DUSP8: variants seen among roughly 807,000 people sequenced by gnomAD.
DUSP8 encodes dual specificity phosphatase 8.
A neutral mutation model predicts 38.7 loss-of-function variants in DUSP8; 15 were observed. The ratio of observed to expected loss-of-function variants is 0.39; its 90% CI spans 0.26 to 0.60. The LOEUF (loss-of-function observed/expected upper bound fraction) is 0.60. Ranked by LOEUF, DUSP8 falls within the 20% of genes least tolerant of loss-of-function variation. DUSP8 has a pLI of 0.56. For missense variants in DUSP8, 768 were observed against 915.0 expected, an observed-to-expected ratio of 0.84 and a Z score of 2.07; for synonymous variants, 458 against 433.9, an observed-to-expected ratio of 1.06 and a Z score of -0.69.
chr11:1,558,381 G>A lies in DUSP8; in HGVS notation c.538-110C>T, dbSNP rs2133432069. Reference sequence around the variant, plus strand: ...CAGGAGGGCCTTTAGAATCCTGGGAGCCTTGGAATTTGTCCCAGATCCCAG... The same window carrying A: ...CAGGAGGGCCTTTAGAATCCTGGGAACCTTGGAATTTGTCCCAGATCCCAG... On this transcript the variant is annotated intron_variant, in intron 4 of 6. Transcript: ENST00000397374. This position sits in a 1 kb window ranked among gnomAD's most constrained non-coding sequence, Gnocchi z 6.3. The A allele has an allele frequency of 2.0e-6, 2 of 998,666 alleles. No homozygotes were observed. Among genetic ancestry groups the A allele is most frequent in the Non-Finnish European group, 2.9e-6 (2 of 681,892 alleles). 61.9% of individuals were successfully genotyped at this position (998,666 alleles called of 1,614,324 possible). A position where few individuals can be genotyped will look rare whatever the true frequency, so the allele number is the denominator to read the frequency against.
chr11:1,554,416 G>A lies in DUSP8; in HGVS notation c.*2102C>T, dbSNP rs1286459972. ...AGGCAGTGGCCAGGTGGGAGGGGCC[G>A]GAGAGAGGCTTGGAGAGGACTCAGG... On this transcript the variant is annotated 3_prime_UTR_variant, in exon 7 of 7. Transcript: ENST00000397374. 6.5e-6 allele frequency: 1 copy of A among 153,298 alleles called. No individual in the cohort carries two copies. The highest frequency in any genetic ancestry group is 2.4e-5 in the African/African-American group (1 of 41,376). The allele number at this position is 153,298 out of a possible 1,614,324, so 9.5% of individuals were successfully genotyped here.
chr11:1,560,211 GC>G, intron 3 of DUSP8, among the ~76,000 whole-genome samples: 1 of 152,286 alleles, frequency 6.6e-6, no homozygotes, highest in East Asian at 1.9e-4. Flanking sequence ...GCTGAGGCCT[GC>G]CCTATCCCAT....
Position 1,556,907 on chromosome 11 carries a change from G to A in DUSP8, c.1489C>T (p.Pro497Ser), listed in dbSNP as rs1300115335. The A allele has an allele frequency of 1.8e-5, 19 of 1,084,132 alleles. No homozygotes were observed. Among genetic ancestry groups the A allele is most frequent in the Admixed American group, 5.4e-5 (1 of 18,546 alleles). 67.2% of individuals were successfully genotyped at this position (1,084,132 alleles called of 1,614,324 possible). A position where few individuals can be genotyped will look rare whatever the true frequency, so the allele number is the denominator to read the frequency against. ...GLSALSAPGL[P>S]GPGQPAGPGA... ...GGGCCGGCCGGCTGGCCAGGGCCGGGCAGCCCGGGCGCCGACAGGGCCGAG... is the reference window on the plus strand; with the variant it reads ...GGGCCGGCCGGCTGGCCAGGGCCGGACAGCCCGGGCGCCGACAGGGCCGAG... The change falls in exon 7 of 7, where the codon CCC (proline) becomes TCC (serine). Residue 497 changes from proline (P) to serine (S), a missense_variant. By Grantham distance (74) the Pro-to-Ser change is moderately conservative. Transcript: ENST00000397374. The surrounding 1 kb of genome is among the most constrained non-coding windows in gnomAD (Gnocchi z 5.2).
In DUSP8 at chr11:1,557,010, G is replaced by A; in HGVS notation, c.1386C>T (p.Gly462=). 1 of 1,022,604 alleles carries A rather than the reference G, an allele frequency of 9.8e-7. No homozygotes were observed. The highest frequency in any genetic ancestry group is 1.2e-6 in the Non-Finnish European group (1 of 856,832). 63.3% of individuals were successfully genotyped at this position (1,022,604 alleles called of 1,614,324 possible). Residue 462 remains glycine, a synonymous_variant, in exon 7 of 7, where the codon GGC becomes GGT. Coordinates refer to ENST00000397374, the MANE Select transcript of DUSP8 (RefSeq NM_004420.3). This position sits in a 1 kb window ranked among gnomAD's most constrained non-coding sequence, Gnocchi z 9.9. ...RPRRRPRPPA[G]SPARSPAHSL... ...TGTGCGCGGGGGAGCGCGCGGGGGA[G>A]CCGGCGGGGGGCCGGGGCCGCCGGC...
intron 1 of DUSP8, among the ~76,000 whole-genome samples, chr11:1,570,227 C>T (rs192656666): frequency 1.6e-3 from 239 of 152,292 alleles, no homozygotes; most frequent in African/African-American, 5.4e-3. Flanking sequence ...CCCTTCCCAC[C>T]AGACCTGTGT....
At chr11:1,562,382 G>A (rs919312594) in intron 3 of DUSP8, among the ~76,000 whole-genome samples, 2 of 152,066 alleles carry the variant, frequency 1.3e-5, no homozygotes, top group African/African-American at 4.8e-5. Flanking sequence ...TACACCTGGT[G>A]AGCTGTAAAA....
upstream of DUSP8, chr11:1,572,604 C>T (rs1848926062): frequency 1.3e-5 from 2 of 151,948 alleles, no homozygotes; most frequent in South Asian, 4.1e-4. The surrounding 1 kb of genome is among the most constrained non-coding windows in gnomAD (Gnocchi z 4.7). Context: ...CCCCCGGCCG[C>T]GTCGCACAGA....
At chr11:1,563,145 G>A (rs989371188) in intron 3 of DUSP8, among the ~76,000 whole-genome samples, 4 of 152,122 alleles carry the variant, frequency 2.6e-5, no homozygotes, top group South Asian at 4.1e-4. Flanking sequence ...CAGGCAGAAG[G>A]AGCCTGGACA....
chr11:1,567,587 G>A (rs1052025745), intron 1 of DUSP8, among the ~76,000 whole-genome samples: 4 of 152,192 alleles, frequency 2.6e-5, no homozygotes, highest in South Asian at 2.1e-4. Context: ...GGCCCCTCCC[G>A]CCTCGACTGG....
Position 1,558,798 on chromosome 11 carries a change from C to T in DUSP8, c.537+91G>A, listed in dbSNP as rs1848674596. Reference sequence around the variant, plus strand: ...CTCATCCACTGCCTTCAGCTCCTTTCCTCCCTCATCCCCCGCTCCGCTGCC... The same window carrying T: ...CTCATCCACTGCCTTCAGCTCCTTTTCTCCCTCATCCCCCGCTCCGCTGCC... On this transcript the variant is annotated intron_variant, in intron 4 of 6. Transcript: ENST00000397374. This position sits in a 1 kb window ranked among gnomAD's most constrained non-coding sequence, Gnocchi z 6.3. 6 of 1,456,212 alleles carry T rather than the reference C, an allele frequency of 4.1e-6. No individual in the cohort carries two copies. The African/African-American group carries it at 7.1e-5, about 17-fold the overall frequency. 90.2% of individuals were successfully genotyped at this position (1,456,212 alleles called of 1,614,324 possible). A position where few individuals can be genotyped will look rare whatever the true frequency, so the allele number is the denominator to read the frequency against.
At chr11:1,559,830 G>A (rs1848691064) in intron 3 of DUSP8, among the ~76,000 whole-genome samples, 1 of 152,164 alleles carries the variant, frequency 6.6e-6, no homozygotes, top group Non-Finnish European at 1.5e-5. Flanking sequence ...CAGGCTGGTG[G>A]GAGGAAGTCC....
At chr11:1,566,793 G>A (rs1484500834) in intron 1 of DUSP8, among the ~76,000 whole-genome samples, 3 of 152,270 alleles carry the variant, frequency 2.0e-5, no homozygotes, top group Middle Eastern at 6.8e-3. Context: ...CGGGGACCCC[G>A]CAGGTGCCAG....
At chr11:1,559,210 G>T in intron 3 of DUSP8, 155 bp from the exon 4 acceptor site, 1 of 684,454 alleles carries the variant, frequency 1.5e-6, no homozygotes, top group Non-Finnish European at 2.3e-6. Flanking sequence ...AGCCTCTGGC[G>T]GAGCACCTGC....
At chr11:1,567,532 G>A (rs11033798) in intron 1 of DUSP8, among the ~76,000 whole-genome samples, 82,258 of 152,086 alleles carry the variant, frequency 0.54, 22,649 homozygotes, top group African/African-American at 0.56. Context: ...CCCCAGCCTC[G>A]CACTCACTCT....
chr11:1,572,432 G>GA (rs1461759811), upstream of DUSP8, among the ~76,000 whole-genome samples: 1 of 150,304 alleles, frequency 6.7e-6, no homozygotes. This position sits in a 1 kb window ranked among gnomAD's most constrained non-coding sequence, Gnocchi z 4.7. Context: ...GCTGCCGCGG[G>GA]GGGGGGGCGG....
Position 1,557,748 on chromosome 11 carries a change from G to C in DUSP8, c.821+46C>G. ...GTGCAAGTGGGCAGCCGGGGGAAGGGAAGCGACGCTGTGAGCCACAAGTGC... is the reference window on the plus strand; with the variant it reads ...GTGCAAGTGGGCAGCCGGGGGAAGGCAAGCGACGCTGTGAGCCACAAGTGC... On this transcript the variant is annotated intron_variant, in intron 6 of 6. Transcript: ENST00000397374. This position sits in a 1 kb window ranked among gnomAD's most constrained non-coding sequence, Gnocchi z 9.9. 6.2e-7 allele frequency: 1 copy of C among 1,610,254 alleles called. No homozygotes were observed. The highest frequency in any genetic ancestry group is 8.5e-7 in the Non-Finnish European group (1 of 1,178,862).
Position 1,565,866 on chromosome 11 carries a change from G to A in DUSP8, c.-40C>T. 1 of 1,551,404 alleles carries A rather than the reference G, an allele frequency of 6.4e-7. No homozygotes were observed. Among genetic ancestry groups the A allele is most frequent in the Non-Finnish European group, 8.9e-7 (1 of 1,128,172 alleles). The stretch of plus-strand genomic sequence containing the variant: ...TGCTGGGGAGGGTGACCCCTGAAGT[G>A]AGGAGGGGCTGCTCCGACGGCCCAG... On this transcript the variant is annotated 5_prime_UTR_variant, in exon 2 of 7. Transcript: ENST00000397374.
At chr11:1,567,424 T>C (rs899284895) in intron 1 of DUSP8, among the ~76,000 whole-genome samples, 2 of 152,178 alleles carry the variant, frequency 1.3e-5, no homozygotes, top group Non-Finnish European at 2.9e-5. Context: ...GTGAGAGAGT[T>C]CACAGAGCAG....
chr11:1,559,085 A>C (rs767236724), intron 3 of DUSP8, 30 bp from the exon 4 acceptor site: 15 of 1,601,104 alleles, frequency 9.4e-6, no homozygotes, highest in Non-Finnish European at 1.3e-5. Flanking sequence ...AAGTGGGTTG[A>C]GAGAACACCT....
Sources: gnomAD v4.1 joint callset for allele counts (sites outside exome capture counted in the v4.1 genomes callset) on GRCh38, gnomAD v4.1.1 for gene constraint, Gnocchi (gnomAD v3.1) non-coding constraint, MANE v1.5 for transcripts, NCBI Gene and HGNC (gene_info 2026-07-23, HGNC 2026-07-21) for gene names.